The following AUTS2 variants were observed in gnomAD, a reference collection of about 807,000 sequenced individuals.
AUTS2 encodes activator of transcription and developmental regulator AUTS2.
A neutral mutation model predicts 112.4 loss-of-function variants in AUTS2; 17 were observed. The observed-to-expected ratio is 0.15, with a 90% CI of 0.10 to 0.23. AUTS2 has a LOEUF of 0.23. Ranked by LOEUF, AUTS2 falls within the 10% of genes least tolerant of loss-of-function variation. The pLI is 1.00. For synonymous variants in AUTS2, 751 were observed against 702.7 expected (o/e 1.07, Z -1.09); for missense variants, 1,510 against 1,701.6 (o/e 0.89, Z 1.98).
intron 5 of AUTS2, among the ~76,000 whole-genome samples, chr7:70,586,083 G>A (rs754056235): frequency 6.6e-6 from 1 of 151,924 alleles, no homozygotes; most frequent in African/African-American, 2.4e-5. Flanking sequence ...GGCTGGTCTC[G>A]AACTTCTGAC....
intron 2 of AUTS2, among the ~76,000 whole-genome samples, chr7:70,029,207 G>A (rs1257533152): frequency 1.3e-5 from 2 of 150,820 alleles, no homozygotes; most frequent in Admixed American, 6.6e-5. Context: ...TAAATATGGA[G>A]CACTCAGAGC....
At chr7:70,102,033 T>C (rs1356143610) in intron 2 of AUTS2, among the ~76,000 whole-genome samples, 1 of 152,192 alleles carries the variant, frequency 6.6e-6, no homozygotes, top group Non-Finnish European at 1.5e-5. Flanking sequence ...ACCGTAACAT[T>C]TTGGTTTAAA....
At chr7:70,250,850 C>CT (rs1175359777) in intron 4 of AUTS2, among the ~76,000 whole-genome samples, 12 of 152,052 alleles carry the variant, frequency 7.9e-5, no homozygotes, top group Non-Finnish European at 1.5e-4. Context: ...ATAACAGACA[C>CT]TGGGGCCTAC....
chr7:70,553,245 T>C (rs1056538909), intron 5 of AUTS2, among the ~76,000 whole-genome samples: 1 of 152,360 alleles, frequency 6.6e-6, no homozygotes, highest in East Asian at 1.9e-4. Flanking sequence ...AAGCCATCTT[T>C]TTTTCTATTT....
At chr7:69,950,485 G>A (rs1199423818) in intron 2 of AUTS2, among the ~76,000 whole-genome samples, 2 of 152,094 alleles carry the variant, frequency 1.3e-5, no homozygotes, top group Non-Finnish European at 2.9e-5. Context: ...CAGATTTGGA[G>A]GATGAAATAA....
chr7:70,620,326 C>G (rs1426285623), intron 5 of AUTS2, among the ~76,000 whole-genome samples: 2 of 152,152 alleles, frequency 1.3e-5, no homozygotes, highest in African/African-American at 4.8e-5. Flanking sequence ...GGTGTAGGAA[C>G]CTGAGCACAC....
intron 1 of AUTS2, among the ~76,000 whole-genome samples, chr7:69,842,247 T>C (rs1792013525): frequency 6.6e-6 from 1 of 152,124 alleles, no homozygotes; most frequent in Non-Finnish European, 1.5e-5. Context: ...TAAAATGGAT[T>C]TTTTTAAAAA....
intron 2 of AUTS2, among the ~76,000 whole-genome samples, chr7:70,064,263 A>G (rs1395307393): frequency 1.3e-5 from 2 of 152,080 alleles, no homozygotes; most frequent in Non-Finnish European, 2.9e-5. Flanking sequence ...GCTAAACCTG[A>G]ATCATTGTCT....
intron 4 of AUTS2, chr7:70,290,428 AG>A: frequency 6.5e-7 from 1 of 1,542,848 alleles, no homozygotes; most frequent in Non-Finnish European, 8.7e-7. Flanking sequence ...TGATATGAAG[AG>A]GGATGTCAGC....
chr7:70,094,148 T>C (rs1334046386), intron 2 of AUTS2, among the ~76,000 whole-genome samples: 1 of 152,218 alleles, frequency 6.6e-6, no homozygotes, highest in Non-Finnish European at 1.5e-5. Context: ...CTACGAAAAT[T>C]TGCAGGAAGC....
At chr7:69,796,665 G>A (rs932150307) in intron 1 of AUTS2, among the ~76,000 whole-genome samples, 1 of 152,160 alleles carries the variant, frequency 6.6e-6, no homozygotes, top group Non-Finnish European at 1.5e-5. Context: ...TTGAACAATT[G>A]TGGGAATATG....
At position 70,379,376 on chromosome 7, in the gene AUTS2, C is replaced by T. The variant is rs1793264332; in HGVS notation, c.661-56376C>T. Among the ~76,000 whole-genome samples, 12 of 152,026 alleles carry T rather than the reference C, an allele frequency of 7.9e-5. No individual in the cohort carries two copies. The South Asian group carries it at 2.5e-3, about 32-fold the overall frequency. ...AATTAGCAGGGCGTGGTGGTGTGCA[C>T]CTGTGATCCCAGTGACTCAGAAGGC... is the stretch of plus-strand genomic sequence containing the variant. On this transcript the variant is annotated intron_variant, in intron 4 of 18. Coordinates refer to ENST00000342771, the MANE Select transcript of AUTS2 (RefSeq NM_015570.4).
intron 5 of AUTS2, among the ~76,000 whole-genome samples, chr7:70,550,280 C>G (rs1223820627): frequency 6.6e-6 from 1 of 152,178 alleles, no homozygotes; most frequent in African/African-American, 2.4e-5. Flanking sequence ...GAATCAGATT[C>G]AAGTACAATG....
At chr7:70,406,642 T>C (rs1794548905) in intron 4 of AUTS2, among the ~76,000 whole-genome samples, 1 of 152,192 alleles carries the variant, frequency 6.6e-6, no homozygotes, top group South Asian at 2.1e-4. Flanking sequence ...GTGTGCTTCC[T>C]CTCAGGCCTC....
chr7:69,828,595 A>G (rs778293425), intron 1 of AUTS2, among the ~76,000 whole-genome samples: 17 of 152,236 alleles, frequency 1.1e-4, no homozygotes, highest in African/African-American at 1.7e-4. Context: ...ATTATAACTG[A>G]TAACTATCTT....
intron 4 of AUTS2, among the ~76,000 whole-genome samples, chr7:70,412,443 G>A (rs79267103): frequency 0.05 from 7,545 of 152,218 alleles, 276 homozygotes; most frequent in Middle Eastern, 0.12. Flanking sequence ...AAGGATCTTC[G>A]TAGAGCAAGG....
chr7:70,439,144 G>T (rs142071698), intron 5 of AUTS2, among the ~76,000 whole-genome samples: 1 of 152,196 alleles, frequency 6.6e-6, no homozygotes, highest in Non-Finnish European at 1.5e-5. Flanking sequence ...GCACAAAAAG[G>T]CTTTGATGAG....
intron 5 of AUTS2, among the ~76,000 whole-genome samples, chr7:70,443,801 A>T (rs75056876): frequency 6.6e-6 from 1 of 152,318 alleles, no homozygotes; most frequent in East Asian, 1.9e-4. Context: ...GTCACCATGT[A>T]CCTGTGAGTA....
intron 5 of AUTS2, among the ~76,000 whole-genome samples, chr7:70,603,656 A>G (rs945185948): frequency 6.6e-6 from 1 of 152,224 alleles, no homozygotes; most frequent in Non-Finnish European, 1.5e-5. Flanking sequence ...CAAACCATAC[A>G]AGACCCTGGC....
Sources: allele counts gnomAD v4.1 joint callset (sites outside exome capture counted in the v4.1 genomes callset), GRCh38; gene constraint gnomAD v4.1.1; transcripts MANE v1.5; gene names NCBI Gene and HGNC (gene_info 2026-07-23, HGNC 2026-07-21).